The following ASH1L variants were observed in gnomAD, a reference collection of about 807,000 sequenced individuals.
ASH1L encodes histone-lysine N-methyltransferase ASH1L.
ASH1L carries 23 observed loss-of-function variants against 269.0 expected under a neutral mutation model. The observed-to-expected ratio is 0.09, with a 90% CI of 0.06 to 0.12. The LOEUF is 0.12. Ranked by LOEUF, ASH1L falls within the 10% of genes least tolerant of loss-of-function variation. ASH1L has a pLI of 1.00. For synonymous variants in ASH1L, 1,187 were observed against 1,253.5 expected, an observed-to-expected ratio of 0.95 and a Z score of 1.12; for missense variants, 2,912 against 3,567.8, an observed-to-expected ratio of 0.82 and a Z score of 4.68.
chr1:155,489,831 T>TAAAC (rs1290507872), intron 2 of ASH1L, among the ~76,000 whole-genome samples: 1 of 151,278 alleles, frequency 6.6e-6, no homozygotes, highest in African/African-American at 2.4e-5. Flanking sequence ...AATAAATAAA[T>TAAAC]AAATAACAAT....
At chr1:155,437,202 T>C (rs1205730368) in intron 5 of ASH1L, among the ~76,000 whole-genome samples, 1 of 152,200 alleles carries the variant, frequency 6.6e-6, no homozygotes, top group African/African-American at 2.4e-5. Flanking sequence ...TTTGCTTATA[T>C]GCCGGTTAAG....
intron 1 of ASH1L, among the ~76,000 whole-genome samples, chr1:155,557,524 C>T (rs1439956767): frequency 6.6e-6 from 1 of 151,966 alleles, no homozygotes; most frequent in Non-Finnish European, 1.5e-5. Flanking sequence ...TTGTGATCCG[C>T]CCACCTCGGC....
chr1:155,504,854 CA>C (rs397860297), intron 2 of ASH1L, among the ~76,000 whole-genome samples: 1,741 of 77,072 alleles, frequency 0.023, 17 homozygotes, highest in African/African-American at 0.063. Flanking sequence ...AACTCCATCT[CA>C]AAAAAAAAAA....
chr1:155,349,284 C>A (rs374805247), intron 19 of ASH1L, 43 bp downstream of exon 19: 536 of 1,583,334 alleles, frequency 3.4e-4, no homozygotes, highest in Non-Finnish European at 4.3e-4. Flanking sequence ...TAATTCTTTT[C>A]AGAACAAACT....
rs142860282 is a variant in ASH1L, at chr1:155,526,976, G to A, written c.-99-5358C>T. Among the ~76,000 whole-genome samples, 1,288 of 152,274 alleles carry A rather than the reference G, an allele frequency of 8.5e-3. 12 individuals are homozygous for A. The highest frequency in any genetic ancestry group is 0.014 in the Non-Finnish European group (938 of 68,018). The stretch of plus-strand genomic sequence containing the variant: ...ATCCCAGCAGTTGGGAGGCCAAGGC[G>A]GGCAGACCTCACTTGAGGTCAGATA... On this transcript the variant is annotated intron_variant, in intron 1 of 27. Transcript: ENST00000392403.
At chr1:155,430,134 C>T (rs1457445911) in intron 5 of ASH1L, among the ~76,000 whole-genome samples, 1 of 152,068 alleles carries the variant, frequency 6.6e-6, no homozygotes, top group Non-Finnish European at 1.5e-5. Flanking sequence ...CGCCACCACA[C>T]TTGGCTGATT....
Position 155,390,715 on chromosome 1 carries a change from G to A in ASH1L, c.6103+4744C>T, listed in dbSNP as rs1196488389. 5.7e-5 allele frequency among the ~76,000 whole-genome samples: 8 copies of A among 139,168 alleles called. No homozygotes were observed. The East Asian group carries it at 1.1e-3, about 19-fold the overall frequency. 91.3% of individuals were successfully genotyped at this position (139,168 alleles called of 152,430 possible). Reference sequence around the variant, plus strand: ...GGCTGGAGTGCAGTGGCGTGATCTCGGCTCACTGCAAGCTCCACCTCCCGG... The same window carrying A: ...GGCTGGAGTGCAGTGGCGTGATCTCAGCTCACTGCAAGCTCCACCTCCCGG... On this transcript the variant is annotated intron_variant, in intron 7 of 27. Transcript: ENST00000392403.
At chr1:155,490,142 T>C (rs911656630) in intron 2 of ASH1L, among the ~76,000 whole-genome samples, 1 of 151,870 alleles carries the variant, frequency 6.6e-6, no homozygotes, top group African/African-American at 2.4e-5. Flanking sequence ...TTTTTTGTAT[T>C]TTTAGTAGAT....
At chr1:155,385,795 G>T (rs772383515) in intron 7 of ASH1L, among the ~76,000 whole-genome samples, 2 of 152,182 alleles carry the variant, frequency 1.3e-5, no homozygotes, top group Non-Finnish European at 2.9e-5. Flanking sequence ...ACTGCCAGCT[G>T]TAAGTAAAAG....
chr1:155,462,155 G>C (rs1664350966), intron 3 of ASH1L, among the ~76,000 whole-genome samples: 1 of 152,126 alleles, frequency 6.6e-6, no homozygotes, highest in African/African-American at 2.4e-5. Flanking sequence ...CATTTATTAA[G>C]TGAGTATAGT....
intron 5 of ASH1L, among the ~76,000 whole-genome samples, chr1:155,430,672 G>A (rs1448299744): frequency 6.6e-6 from 1 of 152,040 alleles, no homozygotes; most frequent in East Asian, 1.9e-4. Context: ...AAGAACTTTG[G>A]TCTTAAAAGT....
chr1:155,430,340 G>A (rs1661507015), intron 5 of ASH1L, among the ~76,000 whole-genome samples: 1 of 152,070 alleles, frequency 6.6e-6, no homozygotes, highest in Non-Finnish European at 1.5e-5. Flanking sequence ...TTAATGAGAT[G>A]GGAATAATAT....
chr1:155,482,107 T>G lies in ASH1L; in HGVS notation c.763A>C (p.Arg255=), dbSNP rs773854989. The G allele has an allele frequency of 6.2e-7, 1 of 1,614,086 alleles. No homozygotes were observed. Among genetic ancestry groups the G allele is most frequent in the African/African-American group, 1.3e-5 (1 of 74,944 alleles). Residue 255 remains arginine (R), a synonymous_variant, in exon 3 of 28, where the codon AGG becomes CGG. Coordinates refer to ENST00000392403, the MANE Select transcript of ASH1L (RefSeq NM_018489.3). The part of the protein sequence containing the change: ...TAGLVSKDLI[R]KAGVGSVAGI... ...GCTACAGAGCCAACACCTGCTTTCC[T>G]GATCAAATCCTTGCTAACCAATCCT... is the stretch of plus-strand genomic sequence containing the variant.
intron 2 of ASH1L, among the ~76,000 whole-genome samples, chr1:155,506,117 C>T (rs1201744138): frequency 6.6e-6 from 1 of 152,070 alleles, no homozygotes; most frequent in Non-Finnish European, 1.5e-5. Context: ...CAATAGTTTG[C>T]TCAGAATGAT....
chr1:155,480,752 G>C lies in ASH1L; in HGVS notation c.2118C>G (p.Ser706=). The C allele has an allele frequency of 6.2e-7, 1 of 1,613,572 alleles. No individual in the cohort carries two copies. Among genetic ancestry groups the C allele is most frequent in the Non-Finnish European group, 8.5e-7 (1 of 1,179,962 alleles). Reference sequence around the variant, plus strand: ...TTCCTTTTCTTTTTTTTAATGGTTTGGACTGCAAACTAGTACTTAGGCTTT... The same window carrying C: ...TTCCTTTTCTTTTTTTTAATGGTTTCGACTGCAAACTAGTACTTAGGCTTT... ...VAESLSTSLQ[S]KPLKKRKGRK... Residue 706 remains serine, a synonymous_variant, in exon 3 of 28, where the codon TCC becomes TCG. Transcript: ENST00000392403.
At chr1:155,371,132 A>T in intron 10 of ASH1L, 149 bp from the exon 11 acceptor site, 1 of 721,356 alleles carries the variant, frequency 1.4e-6, no homozygotes. Context: ...TAAAATAATA[A>T]ATGTCAAAAA....
At chr1:155,439,466 G>A (rs1035926338) in intron 4 of ASH1L, among the ~76,000 whole-genome samples, 1 of 152,136 alleles carries the variant, frequency 6.6e-6, no homozygotes, top group Non-Finnish European at 1.5e-5. Context: ...GGGAGGCCAA[G>A]GCAGGAGGAA....
intron 1 of ASH1L, among the ~76,000 whole-genome samples, chr1:155,532,747 CAGG>C (rs1669755404): frequency 1.3e-5 from 2 of 150,516 alleles, no homozygotes. Flanking sequence ...CACTTGAACC[CAGG>C]AGGCACAGGT....
At chr1:155,546,701 T>C (rs1422368979) in intron 1 of ASH1L, among the ~76,000 whole-genome samples, 1 of 151,280 alleles carries the variant, frequency 6.6e-6, no homozygotes, top group East Asian at 2.0e-4. Context: ...GAGGTTGCAG[T>C]GAGCTGAGAT....
Sources: gnomAD v4.1 joint callset for allele counts (sites outside exome capture counted in the v4.1 genomes callset) on GRCh38, gnomAD v4.1.1 for gene constraint, MANE v1.5 for transcripts, NCBI Gene and HGNC (gene_info 2026-07-23, HGNC 2026-07-21) for gene names.